ANKIB1: variants seen among roughly 807,000 people sequenced by gnomAD.
The protein encoded by ANKIB1 is ankyrin repeat and IBR domain containing 1, also known as ankyrin repeat and IBR domain-containing protein 1.
A neutral mutation model predicts 122.1 loss-of-function variants in ANKIB1; 43 were observed. The ratio of observed to expected loss-of-function variants is 0.35; its 90% CI spans 0.28 to 0.45. The LOEUF is 0.45. ANKIB1 is among the 20% of genes least tolerant of loss of function. The pLI is 1.00. For missense variants in ANKIB1, 992 were observed against 1,329.5 expected (o/e 0.75, Z 3.95); for synonymous variants, 390 against 442.0 (o/e 0.88, Z 1.48).
At chr7:92,397,478 T>TC (rs1299110534) in intron 18 of ANKIB1, among the ~76,000 whole-genome samples, 1 of 148,312 alleles carries the variant, frequency 6.7e-6, no homozygotes, top group Non-Finnish European at 1.5e-5. Flanking sequence ...AAAGCAAGAC[T>TC]CCATCTCAAA....
In ANKIB1 at chr7:92,355,882, A is replaced by ATAG. The variant is rs923233757; in HGVS notation, c.1397+3242_1397+3243insGTA. Among the ~76,000 whole-genome samples the ATAG allele has an allele frequency of 1.9e-4, 21 of 112,698 alleles. 1 individual carries two copies. The South Asian group carries it at 2.2e-3, about 12-fold the overall frequency. 73.9% of individuals were successfully genotyped at this position (112,698 alleles called of 152,430 possible). On this transcript the variant is annotated intron_variant, in intron 9 of 19. Transcript: ENST00000265742. ...AATAATAATAATAATAATAATAATA[A>ATAG]TAATAGTAATAGTAATAATAAGGTA... is the stretch of plus-strand genomic sequence containing the variant.
intron 1 of ANKIB1, among the ~76,000 whole-genome samples, chr7:92,250,872 A>G (rs1183261261): frequency 1.3e-5 from 2 of 152,264 alleles, no homozygotes; most frequent in East Asian, 3.9e-4. Context: ...TTTATCCTCA[A>G]CATTTTATTC....
chr7:92,300,326 T>G (rs534975420), intron 2 of ANKIB1, among the ~76,000 whole-genome samples: 1 of 152,214 alleles, frequency 6.6e-6, no homozygotes, highest in Non-Finnish European at 1.5e-5. Flanking sequence ...TACTTATGTT[T>G]TTACAACTTC....
intron 1 of ANKIB1, among the ~76,000 whole-genome samples, chr7:92,286,699 G>A (rs550907828): frequency 4.0e-4 from 61 of 151,946 alleles, no homozygotes; most frequent in Non-Finnish European, 2.2e-4. Context: ...GGCTGGTCTC[G>A]AACTGACCTC....
intron 2 of ANKIB1, among the ~76,000 whole-genome samples, chr7:92,304,640 C>G (rs1486609258): frequency 1.3e-5 from 2 of 151,854 alleles, no homozygotes; most frequent in Non-Finnish European, 2.9e-5. Flanking sequence ...TTAATAATTT[C>G]TTTCTTAATT....
chr7:92,332,461 C>T (rs992473500), intron 5 of ANKIB1, among the ~76,000 whole-genome samples: 8 of 152,074 alleles, frequency 5.3e-5, no homozygotes, highest in East Asian at 3.9e-4. Flanking sequence ...ATTAAGCAGA[C>T]GGCATAAATA....
intron 1 of ANKIB1, among the ~76,000 whole-genome samples, chr7:92,261,616 T>A (rs1204370117): frequency 6.6e-6 from 1 of 152,210 alleles, no homozygotes; most frequent in East Asian, 1.9e-4. Context: ...CCAAGAAATG[T>A]TAATACCTCT....
chr7:92,374,626 A>G (rs1804343074), intron 11 of ANKIB1, among the ~76,000 whole-genome samples: 1 of 152,194 alleles, frequency 6.6e-6, no homozygotes, highest in Non-Finnish European at 1.5e-5. Flanking sequence ...ACAGAACTTG[A>G]GGGCCATAGC....
At position 92,398,369 on chromosome 7, in the gene ANKIB1, A is replaced by G. The variant is rs1198082928; in HGVS notation, c.2690A>G (p.Asp897Gly). ...AIGTSLPSRL[D>G]SVPRNTDSPR... ...GGCACTTCTTTACCTTCCAGGCTGG[A>G]CTCTGTCCCCAGAAATACAGATAGC... is the stretch of plus-strand genomic sequence containing the variant. Residue 897 changes from aspartate (D) to glycine (G), a missense_variant, in exon 20 of 20, where the codon GAC becomes GGC. This residue lies in a region of ANKIB1 where 384 missense variants were observed against 412.0 expected (regional missense o/e 0.93). Transcript: ENST00000265742. 3 of 1,613,182 alleles carry G rather than the reference A, an allele frequency of 1.9e-6. No individual in the cohort carries two copies. In the East Asian group the frequency reaches 6.7e-5, roughly 36 times the overall value.
At chr7:92,253,765 C>T (rs1801380289) in intron 1 of ANKIB1, among the ~76,000 whole-genome samples, 1 of 151,448 alleles carries the variant, frequency 6.6e-6, no homozygotes, top group Non-Finnish European at 1.5e-5. Flanking sequence ...TACATTCAGA[C>T]ACACACATAC....
chr7:92,333,055 A>G (rs1279592341), intron 5 of ANKIB1, among the ~76,000 whole-genome samples: 2 of 152,182 alleles, frequency 1.3e-5, no homozygotes, highest in Non-Finnish European at 2.9e-5. Context: ...CCATCCTGTC[A>G]TCACTTAATT....
At chr7:92,339,563 C>G (rs1192643883) in intron 5 of ANKIB1, among the ~76,000 whole-genome samples, 1 of 152,036 alleles carries the variant, frequency 6.6e-6, no homozygotes, top group African/African-American at 2.4e-5. Context: ...TTTGTTCGTT[C>G]AACAGATTTC....
Position 92,396,610 on chromosome 7 carries a change from C to A in ANKIB1, c.2395+134C>A. 5.0e-6 allele frequency: 3 copies of A among 601,982 alleles called. No individual in the cohort carries two copies. The South Asian group carries it at 6.1e-5, about 12-fold the overall frequency. 37.3% of individuals were successfully genotyped at this position (601,982 alleles called of 1,614,324 possible). A position where few individuals can be genotyped will look rare whatever the true frequency, so the allele number is the denominator to read the frequency against. On this transcript the variant is annotated intron_variant, in intron 18 of 19. Coordinates refer to ENST00000265742, the MANE Select transcript of ANKIB1 (RefSeq NM_019004.2). ...AAATATGCAGATGTTTCTGTTGTGA[C>A]AGGACACAGAAAATCAGAGGAGTTA...
intron 5 of ANKIB1, among the ~76,000 whole-genome samples, chr7:92,338,418 C>CAA (rs11393456): frequency 5.4e-5 from 8 of 147,182 alleles, no homozygotes; most frequent in African/African-American, 1.0e-4. Context: ...GACTTTGCCT[C>CAA]AAAAAAAAAT....
At chr7:92,281,938 A>G (rs1802018760) in intron 1 of ANKIB1, among the ~76,000 whole-genome samples, 1 of 152,234 alleles carries the variant, frequency 6.6e-6, no homozygotes, top group Admixed American at 6.5e-5. Context: ...AGTTCCCCAA[A>G]GTGTAAACAT....
At chr7:92,341,637 G>A (rs1424813914) in intron 5 of ANKIB1, among the ~76,000 whole-genome samples, 3 of 152,186 alleles carry the variant, frequency 2.0e-5, no homozygotes, top group Non-Finnish European at 4.4e-5. Flanking sequence ...TTTTCCAGTT[G>A]ATTAAGTGGG....
intron 3 of ANKIB1, among the ~76,000 whole-genome samples, chr7:92,317,755 C>G (rs1802822889): frequency 6.6e-6 from 1 of 152,022 alleles, no homozygotes; most frequent in Admixed American, 6.6e-5. Flanking sequence ...GTGAGGATTC[C>G]CGTTCCAAAG....
At chr7:92,308,286 C>A (rs377590102) in intron 3 of ANKIB1, among the ~76,000 whole-genome samples, 3 of 152,074 alleles carry the variant, frequency 2.0e-5, no homozygotes, top group Non-Finnish European at 2.9e-5. Context: ...TTGTTGATAT[C>A]TCTTAAGATA....
At chr7:92,323,211 A>G (rs1802950916) in intron 4 of ANKIB1, among the ~76,000 whole-genome samples, 1 of 152,178 alleles carries the variant, frequency 6.6e-6, no homozygotes, top group African/African-American at 2.4e-5. Flanking sequence ...CGGAAAGATT[A>G]TATTGATTTA....
Sources: allele counts gnomAD v4.1 joint callset (sites outside exome capture counted in the v4.1 genomes callset), GRCh38; gene constraint gnomAD v4.1.1; regional missense constraint gnomAD v4.1.1; transcripts MANE v1.5; gene names NCBI Gene and HGNC (gene_info 2026-07-23, HGNC 2026-07-21).